Variants in MEIKIN observed in about 807,000 individuals in gnomAD.
MEIKIN encodes meiosis-specific kinetochore protein.
At chr5:131,813,442 T>TTG (rs1773039205) in intron 12 of MEIKIN, among the ~76,000 whole-genome samples, 1 of 151,452 alleles carries the variant, frequency 6.6e-6, no homozygotes, top group Admixed American at 6.6e-5. Context: ...TTTTTTTTTT[T>TTG]TTGAGACAGA....
chr5:131,824,023 T>C (rs1272808717), intron 11 of MEIKIN, among the ~76,000 whole-genome samples: 1 of 152,178 alleles, frequency 6.6e-6, no homozygotes, highest in East Asian at 1.9e-4. Flanking sequence ...ATGGAATCTC[T>C]ATCTCTCTTT....
At chr5:131,888,092 C>A (rs1434980339) in intron 8 of MEIKIN, among the ~76,000 whole-genome samples, 1 of 146,698 alleles carries the variant, frequency 6.8e-6, no homozygotes, top group East Asian at 2.0e-4. Flanking sequence ...GCCACATTTT[C>A]TTAATCCAGT....
intron 12 of MEIKIN, among the ~76,000 whole-genome samples, chr5:131,808,079 C>A (rs1404648784): frequency 6.6e-6 from 1 of 152,180 alleles, no homozygotes; most frequent in African/African-American, 2.4e-5. Context: ...AATCAGCAGT[C>A]CCATTCTAAA....
chr5:131,827,530 A>G (rs1424631387), intron 11 of MEIKIN, among the ~76,000 whole-genome samples: 2 of 152,212 alleles, frequency 1.3e-5, no homozygotes, highest in African/African-American at 4.8e-5. Flanking sequence ...AAGGGTAGAA[A>G]AAGATATACC....
intron 11 of MEIKIN, among the ~76,000 whole-genome samples, chr5:131,835,783 C>T (rs545142201): frequency 4.6e-5 from 7 of 152,150 alleles, no homozygotes; most frequent in South Asian, 2.1e-4. Flanking sequence ...TTAGTAGAGA[C>T]GGGGTTTCAC....
At chr5:131,838,018 G>C (rs1749840943) in intron 11 of MEIKIN, among the ~76,000 whole-genome samples, 1 of 151,958 alleles carries the variant, frequency 6.6e-6, no homozygotes, top group Non-Finnish European at 1.5e-5. Flanking sequence ...GTCTCTTTTT[G>C]AGGTATATTC....
At chr5:131,939,736 C>A (rs1327700309) in intron 4 of MEIKIN, among the ~76,000 whole-genome samples, 2 of 152,124 alleles carry the variant, frequency 1.3e-5, no homozygotes, top group African/African-American at 2.4e-5. Context: ...TTTCAAATAT[C>A]AATCAGCAAA....
At chr5:131,942,184 C>A (rs1184236836) in intron 4 of MEIKIN, among the ~76,000 whole-genome samples, 1 of 152,164 alleles carries the variant, frequency 6.6e-6, no homozygotes, top group Non-Finnish European at 1.5e-5. Flanking sequence ...GTTGTCTAAT[C>A]CTGTCTTACA....
intron 4 of MEIKIN, among the ~76,000 whole-genome samples, chr5:131,935,508 A>C (rs902576166): frequency 3.9e-5 from 6 of 152,166 alleles, no homozygotes; most frequent in African/African-American, 1.4e-4. Flanking sequence ...AGATTTGGTA[A>C]GAAAAGGGAA....
At chr5:131,817,333 C>T (rs1462493314) in intron 12 of MEIKIN, among the ~76,000 whole-genome samples, 6 of 152,102 alleles carry the variant, frequency 3.9e-5, no homozygotes, top group African/African-American at 1.4e-4. Context: ...CCTCACTGGC[C>T]GGGCACGGTG....
intron 8 of MEIKIN, among the ~76,000 whole-genome samples, chr5:131,911,582 C>A (rs1325557118): frequency 6.6e-6 from 1 of 151,480 alleles, no homozygotes; most frequent in Non-Finnish European, 1.5e-5. Context: ...AGTTCATATT[C>A]ATTAAATGTT....
chr5:131,919,152 G>C (rs541756276), intron 6 of MEIKIN, among the ~76,000 whole-genome samples: 1 of 152,080 alleles, frequency 6.6e-6, no homozygotes, highest in African/African-American at 2.4e-5. Flanking sequence ...TCATGGAAAT[G>C]CAAGTTAAAA....
At chr5:131,837,791 T>G (rs546471038) in intron 11 of MEIKIN, among the ~76,000 whole-genome samples, 68 of 152,290 alleles carry the variant, frequency 4.5e-4, no homozygotes, top group African/African-American at 1.6e-3. Context: ...TATATGATCA[T>G]GTAGTCAGCA....
chr5:131,869,792 G>T (rs1046729042), intron 9 of MEIKIN, among the ~76,000 whole-genome samples: 3 of 152,166 alleles, frequency 2.0e-5, no homozygotes, highest in African/African-American at 7.2e-5. Context: ...CATCAACACT[G>T]TTTAGGTTTT....
rs150000043 is a variant in MEIKIN at position 131,917,332 on chromosome 5, G to A, written c.599-407C>T. On this transcript the variant is annotated intron_variant, in intron 6 of 12. Coordinates refer to ENST00000442687, the MANE Select transcript of MEIKIN (RefSeq NM_001303622.2). ...TGTAATCCCAACACTTTTGGGGACCGAGGCAGGTGGATCACCTGAGGTCAG... is the reference window on the plus strand; with the variant it reads ...TGTAATCCCAACACTTTTGGGGACCAAGGCAGGTGGATCACCTGAGGTCAG... Among the ~76,000 whole-genome samples, 1,134 of 152,128 alleles carry A rather than the reference G, an allele frequency of 7.5e-3. 15 individuals carry two copies. The highest frequency in any genetic ancestry group is 0.027 in the African/African-American group (1,101 of 41,494).
At chr5:131,915,716 G>A (rs566803218) in intron 7 of MEIKIN, among the ~76,000 whole-genome samples, 3 of 152,256 alleles carry the variant, frequency 2.0e-5, no homozygotes, top group Admixed American at 1.3e-4. Context: ...GTAAATGGAT[G>A]ACAGTAAGTA....
chr5:131,808,551 C>T (rs1157281660), intron 12 of MEIKIN, among the ~76,000 whole-genome samples: 2 of 152,142 alleles, frequency 1.3e-5, no homozygotes, highest in Non-Finnish European at 2.9e-5. Flanking sequence ...TCTCCTAAAT[C>T]CTACAAAAAT....
At chr5:131,839,558 T>C (rs1000136234) in intron 11 of MEIKIN, among the ~76,000 whole-genome samples, 22 of 152,362 alleles carry the variant, frequency 1.4e-4, no homozygotes, top group African/African-American at 3.8e-4. Flanking sequence ...CATGTATATT[T>C]AGAATAGTTA....
intron 12 of MEIKIN, among the ~76,000 whole-genome samples, chr5:131,809,400 G>C (rs945658332): frequency 6.6e-6 from 1 of 152,186 alleles, no homozygotes; most frequent in Non-Finnish European, 1.5e-5. Flanking sequence ...ATGGTTCTGT[G>C]TCAAAGACTA....
Sources: allele counts gnomAD v4.1 joint callset (sites outside exome capture counted in the v4.1 genomes callset), GRCh38; gene constraint gnomAD v4.1.1; transcripts MANE v1.5; gene names NCBI Gene and HGNC (gene_info 2026-07-23, HGNC 2026-07-21).